The following EYS variants were observed in gnomAD, a reference collection of about 807,000 sequenced individuals.
EYS encodes the protein EGF-like photoreceptor maintenance factor, also known as protein eyes shut homolog.
A neutral mutation model predicts 282.1 loss-of-function variants in EYS; 250 were observed. The observed-to-expected ratio is 0.89, with a 90% CI of 0.80 to 0.98. The LOEUF (loss-of-function observed/expected upper bound fraction) is 0.98. Among genes scored for constraint, EYS ranks in the 50% least tolerant of loss-of-function variants. The pLI, the probability that EYS is intolerant of heterozygous loss-of-function variation, is 0.00. For missense variants in EYS, 4,016 were observed against 3,709.0 expected, an observed-to-expected ratio of 1.08 and a Z score of -2.15; for synonymous variants, 1,355 against 1,282.9, an observed-to-expected ratio of 1.06 and a Z score of -1.20.
At chr6:64,463,916 T>C (rs1775837660) in intron 26 of EYS, among the ~76,000 whole-genome samples, 1 of 152,208 alleles carries the variant, frequency 6.6e-6, no homozygotes, top group Admixed American at 6.5e-5. Context: ...GAGGAGGGAA[T>C]ACTTCCAGAT....
chr6:65,167,457 T>G (rs1367022948), intron 12 of EYS, among the ~76,000 whole-genome samples: 1 of 151,228 alleles, frequency 6.6e-6, no homozygotes, highest in African/African-American at 2.4e-5. Flanking sequence ...AAAAGTGAAT[T>G]TTTATGGTAT....
intron 29 of EYS, among the ~76,000 whole-genome samples, chr6:64,338,464 C>CT (rs1390264542): frequency 6.6e-6 from 1 of 151,880 alleles, no homozygotes; most frequent in East Asian, 1.9e-4. Context: ...CAAAACACTA[C>CT]TGAAAGAAAT....
chr6:65,155,390 C>A (rs1764708810), intron 12 of EYS, among the ~76,000 whole-genome samples: 1 of 151,400 alleles, frequency 6.6e-6, no homozygotes, highest in African/African-American at 2.4e-5. Flanking sequence ...TTAAAGCTTT[C>A]AAATTTGACT....
chr6:65,127,466 C>T (rs1215308561), intron 12 of EYS, among the ~76,000 whole-genome samples: 2 of 152,018 alleles, frequency 1.3e-5, no homozygotes, highest in Admixed American at 6.6e-5. Context: ...ATACAATAAA[C>T]AAACTACAGA....
chr6:65,214,801 T>A (rs1440773537), intron 12 of EYS, among the ~76,000 whole-genome samples: 2 of 152,286 alleles, frequency 1.3e-5, no homozygotes, highest in East Asian at 1.9e-4. Flanking sequence ...TGAAGCCAAT[T>A]TGAAGCCAAT....
intron 19 of EYS, among the ~76,000 whole-genome samples, chr6:64,859,275 A>C (rs1766162405): frequency 6.7e-6 from 1 of 148,488 alleles, no homozygotes; most frequent in African/African-American, 2.4e-5. Context: ...TTTTATAAAT[A>C]GATTTATATT....
At chr6:65,052,616 A>T (rs972432954) in intron 13 of EYS, among the ~76,000 whole-genome samples, 4 of 151,634 alleles carry the variant, frequency 2.6e-5, no homozygotes, top group African/African-American at 4.8e-5. Context: ...GCTTTGCTAC[A>T]TGAAAAGCAT....
Position 65,297,938 on chromosome 6 carries a change from G to A in EYS, c.1767-1819C>T, listed in dbSNP as rs115978038. Reference sequence around the variant, plus strand: ...CACTTTTAACAGTGTTCTGATTGGGGTGGTAGATTACACGGGGCCCTATGT... The same window carrying A: ...CACTTTTAACAGTGTTCTGATTGGGATGGTAGATTACACGGGGCCCTATGT... On this transcript the variant is annotated intron_variant, in intron 11 of 42. Transcript: ENST00000503581. Among the ~76,000 whole-genome samples the A allele has an allele frequency of 8.2e-3, 1,253 of 152,124 alleles. 12 individuals are homozygous for A. Among genetic ancestry groups the A allele is most frequent in the African/African-American group, 0.029 (1,200 of 41,546 alleles).
chr6:63,720,912 C>A lies in EYS; in HGVS notation c.9119G>T (p.Cys3040Phe). Residue 3040 changes from cysteine (C) to phenylalanine (F), a missense_variant, in exon 43 of 43, where the codon TGT becomes TTT. Transcript: ENST00000503581. The stretch of plus-strand genomic sequence containing the variant: ...AACTACATGGTGCCATTTATTACAA[C>A]AGAATGTGCCATTGTTATAGCTCAT... Reference protein sequence around the residue: ...VPMSYNNGTFCCNKWHHVVVI... With the variant: ...VPMSYNNGTFFCNKWHHVVVI... The A allele has an allele frequency of 6.4e-7, 1 of 1,551,060 alleles. No homozygotes were observed. The highest frequency in any genetic ancestry group is 8.7e-7 in the Non-Finnish European group (1 of 1,146,562).
intron 12 of EYS, among the ~76,000 whole-genome samples, chr6:65,090,543 C>T (rs1199198852): frequency 2.0e-5 from 3 of 152,080 alleles, no homozygotes; most frequent in African/African-American, 7.2e-5. Context: ...ACTTTATATT[C>T]TCTACATTGC....
chr6:65,565,908 C>T (rs71572536), intron 2 of EYS, among the ~76,000 whole-genome samples: 36,134 of 151,492 alleles, frequency 0.24, 4,401 homozygotes, highest in East Asian at 0.31. Flanking sequence ...TTAGAACATA[C>T]GGACACAGGG....
chr6:64,776,432 G>A (rs1199733099), intron 22 of EYS, among the ~76,000 whole-genome samples: 2 of 151,946 alleles, frequency 1.3e-5, no homozygotes, highest in African/African-American at 4.8e-5. Flanking sequence ...GTTTTATAAG[G>A]AGACATTTAA....
At chr6:65,467,685 T>C (rs185454398) in intron 5 of EYS, among the ~76,000 whole-genome samples, 1 of 152,132 alleles carries the variant, frequency 6.6e-6, no homozygotes, top group Admixed American at 6.6e-5. Context: ...TTAAGCCAAA[T>C]TAAATTATAT....
chr6:64,758,861 G>C (rs368314186), intron 22 of EYS, among the ~76,000 whole-genome samples: 1 of 152,194 alleles, frequency 6.6e-6, no homozygotes, highest in South Asian at 2.1e-4. Flanking sequence ...AGTCTTGGCC[G>C]GGCGCAGTGG....
intron 30 of EYS, among the ~76,000 whole-genome samples, chr6:64,299,207 C>T (rs536741694): frequency 6.6e-6 from 1 of 152,312 alleles, no homozygotes; most frequent in African/African-American, 2.4e-5. Flanking sequence ...GTCCTAAGAC[C>T]AACCTTTGAT....
intron 5 of EYS, among the ~76,000 whole-genome samples, chr6:65,413,163 AC>A (rs1767091651): frequency 6.6e-6 from 1 of 152,084 alleles, no homozygotes; most frequent in Non-Finnish European, 1.5e-5. Context: ...ATATGCCTAG[AC>A]CCCCAAATTA....
At chr6:64,995,717 C>CA (rs1771233333) in intron 14 of EYS, among the ~76,000 whole-genome samples, 1 of 143,592 alleles carries the variant, frequency 7.0e-6, no homozygotes, top group Non-Finnish European at 1.5e-5. Flanking sequence ...TTTCTGCTTC[C>CA]CCCCCGCCCC....
At chr6:64,612,244 A>T (rs548059131) in intron 24 of EYS, among the ~76,000 whole-genome samples, 2 of 152,214 alleles carry the variant, frequency 1.3e-5, no homozygotes, top group African/African-American at 4.8e-5. Flanking sequence ...CTATATAAAC[A>T]TCTGTGTTTT....
intron 14 of EYS, among the ~76,000 whole-genome samples, chr6:64,972,818 T>C (rs749385192): frequency 1.3e-5 from 2 of 152,110 alleles, no homozygotes; most frequent in African/African-American, 2.4e-5. Context: ...ATTGTTCAAA[T>C]GCAATTTAAC....
Sources: gnomAD v4.1 joint callset for allele counts (sites outside exome capture counted in the v4.1 genomes callset) on GRCh38, gnomAD v4.1.1 for gene constraint, MANE v1.5 for transcripts, NCBI Gene and HGNC (gene_info 2026-07-23, HGNC 2026-07-21) for gene names.